Variants in SLIT3 observed in about 807,000 individuals in gnomAD.
SLIT3 encodes slit guidance ligand 3.
Under a neutral mutation model 184.0 loss-of-function variants are expected in SLIT3, and 68 were observed. The observed-to-expected ratio is 0.37, with a 90% CI of 0.30 to 0.45. SLIT3 has a LOEUF of 0.45. SLIT3 is among the 20% of genes least tolerant of loss of function. SLIT3 has a pLI of 1.00. For missense variants in SLIT3, 1,707 were observed against 2,026.0 expected, an observed-to-expected ratio of 0.84 and a Z score of 3.02; for synonymous variants, 831 against 828.6, an observed-to-expected ratio of 1.00 and a Z score of -0.05.
chr5:169,107,246 T>G (rs1304457411), intron 4 of SLIT3, among the ~76,000 whole-genome samples: 1 of 152,228 alleles, frequency 6.6e-6, no homozygotes, highest in East Asian at 1.9e-4. Context: ...TGGCTCACAC[T>G]TCTCCTAGCT....
At chr5:169,078,756 C>T (rs1001745295) in intron 4 of SLIT3, among the ~76,000 whole-genome samples, 3 of 152,218 alleles carry the variant, frequency 2.0e-5, no homozygotes, top group African/African-American at 7.2e-5. Context: ...GATATGTATT[C>T]ATTCCAATAT....
At chr5:168,860,380 T>C (rs191141101) in intron 5 of SLIT3, among the ~76,000 whole-genome samples, 137 of 152,320 alleles carry the variant, frequency 9.0e-4, no homozygotes, top group African/African-American at 3.2e-3. Flanking sequence ...TCAGGGATGC[T>C]TGACTCTTTC....
At chr5:169,118,999 T>A (rs764322100) in intron 4 of SLIT3, among the ~76,000 whole-genome samples, 1 of 152,164 alleles carries the variant, frequency 6.6e-6, no homozygotes, top group Non-Finnish European at 1.5e-5. Flanking sequence ...ATTATATTTA[T>A]CCCTAAGTGT....
intron 2 of SLIT3, among the ~76,000 whole-genome samples, chr5:169,248,657 G>A (rs115299098): frequency 0.016 from 2,446 of 152,284 alleles, 28 homozygotes; most frequent in Admixed American, 0.028. Flanking sequence ...ACTGGATCAG[G>A]ATCGGAAATC....
At chr5:169,093,189 G>T (rs980558379) in intron 4 of SLIT3, among the ~76,000 whole-genome samples, 3 of 152,162 alleles carry the variant, frequency 2.0e-5, no homozygotes, top group African/African-American at 7.2e-5. Context: ...GTATTATCAA[G>T]AATTCACCTC....
intron 4 of SLIT3, among the ~76,000 whole-genome samples, chr5:169,161,244 G>A (rs752110769): frequency 3.9e-5 from 6 of 152,170 alleles, no homozygotes; most frequent in East Asian, 1.9e-4. Context: ...GTGGTCGGCC[G>A]CTAATTCAGA....
intron 4 of SLIT3, among the ~76,000 whole-genome samples, chr5:168,932,347 GACACAC>G (rs375350401): frequency 0.044 from 5,741 of 131,078 alleles, 346 homozygotes; most frequent in African/African-American, 0.13. Context: ...AGGGGAAAAA[GACACAC>G]ACACACACAC....
intron 1 of SLIT3, among the ~76,000 whole-genome samples, chr5:169,290,978 G>A (rs371307373): frequency 9.2e-5 from 14 of 152,172 alleles, no homozygotes; most frequent in Non-Finnish European, 1.5e-5. Flanking sequence ...GACAAGGTGG[G>A]TGGTTAAGTG....
intron 26 of SLIT3, among the ~76,000 whole-genome samples, chr5:168,701,305 C>A (rs530168749): frequency 5.3e-5 from 8 of 152,292 alleles, no homozygotes; most frequent in African/African-American, 1.9e-4. Context: ...GACCTTGTCT[C>A]CTACAAAGTG....
At chr5:168,763,677 G>C (rs1459791886) in intron 14 of SLIT3, among the ~76,000 whole-genome samples, 3 of 152,146 alleles carry the variant, frequency 2.0e-5, no homozygotes, top group African/African-American at 7.2e-5. Flanking sequence ...TGGGCACTGG[G>C]GCAAACCTCT....
intron 1 of SLIT3, among the ~76,000 whole-genome samples, chr5:169,274,052 C>T (rs1766721960): frequency 3.9e-5 from 6 of 152,192 alleles, no homozygotes; most frequent in Admixed American, 3.9e-4. Context: ...CATAATCCCC[C>T]AAATGGGGTT....
intron 5 of SLIT3, among the ~76,000 whole-genome samples, chr5:168,851,191 C>T (rs1391544532): frequency 7.2e-5 from 11 of 151,894 alleles, no homozygotes; most frequent in East Asian, 3.9e-4. Context: ...GGCGTGGTGG[C>T]GGGCGCCTGT....
intron 4 of SLIT3, among the ~76,000 whole-genome samples, chr5:169,138,957 C>T (rs1761625388): frequency 6.6e-6 from 1 of 152,226 alleles, no homozygotes; most frequent in Non-Finnish European, 1.5e-5. Context: ...AACTGATGTC[C>T]ACATCCAGCC....
intron 8 of SLIT3, among the ~76,000 whole-genome samples, chr5:168,814,426 CAA>C (rs1757263457): frequency 6.8e-6 from 1 of 146,976 alleles, no homozygotes; most frequent in African/African-American, 2.4e-5. Context: ...AACAAACAAA[CAA>C]ACACCCCACC....
intron 4 of SLIT3, among the ~76,000 whole-genome samples, chr5:168,898,057 CT>C (rs1760745472): frequency 1.3e-5 from 2 of 152,200 alleles, no homozygotes; most frequent in African/African-American, 4.8e-5. Context: ...TGGTTTCAAA[CT>C]TTTTACATTA....
intron 4 of SLIT3, among the ~76,000 whole-genome samples, chr5:168,973,834 G>A (rs1754664282): frequency 6.6e-6 from 1 of 152,162 alleles, no homozygotes; most frequent in Non-Finnish European, 1.5e-5. Context: ...CAAGGAAGAC[G>A]TCTTAAATAT....
intron 4 of SLIT3, among the ~76,000 whole-genome samples, chr5:169,019,024 C>A (rs1206454142): frequency 1.3e-5 from 2 of 152,210 alleles, no homozygotes; most frequent in East Asian, 1.9e-4. Context: ...TTGCCTCCCC[C>A]ACTCTGGGTT....
chr5:168,946,036 T>G (rs1388983243), intron 4 of SLIT3, among the ~76,000 whole-genome samples: 1 of 152,234 alleles, frequency 6.6e-6, no homozygotes, highest in African/African-American at 2.4e-5. Context: ...GTATTCTTAT[T>G]TAATTCTTAC....
chr5:168,711,765 A>T (rs1163786700), intron 24 of SLIT3, among the ~76,000 whole-genome samples: 2 of 152,206 alleles, frequency 1.3e-5, no homozygotes, highest in South Asian at 2.1e-4. Flanking sequence ...CTAGTCCAAC[A>T]TCTCACTGAC....
Sources: gnomAD v4.1 joint callset for allele counts (sites outside exome capture counted in the v4.1 genomes callset) on GRCh38, gnomAD v4.1.1 for gene constraint, MANE v1.5 for transcripts, NCBI Gene and HGNC (gene_info 2026-07-23, HGNC 2026-07-21) for gene names.